Variants in CARNMT1 observed in about 807,000 individuals in gnomAD.
CARNMT1 encodes the protein protein-L-histidine N-pros-methyltransferase CARNMT1.
A neutral mutation model predicts 49.6 loss-of-function variants in CARNMT1; 28 were observed. The ratio of observed to expected loss-of-function variants is 0.56; its 90% CI spans 0.42 to 0.77. The LOEUF (loss-of-function observed/expected upper bound fraction) is 0.77, where lower values mean the gene tolerates loss of function less well. Among genes scored for constraint, CARNMT1 ranks in the 30% least tolerant of loss-of-function variants. The pLI is 0.00. For synonymous variants in CARNMT1, 178 were observed against 175.0 expected (o/e 1.02, Z -0.13); for missense variants, 421 against 512.6 (o/e 0.82, Z 1.73).
rs190366881 is a variant in CARNMT1, at chr9:74,982,588, G to A, written c.*1179C>T. 6 of 152,170 alleles carry A rather than the reference G, an allele frequency of 3.9e-5. No homozygotes were observed. Among genetic ancestry groups the A allele is most frequent in the East Asian group, 1.9e-4 (1 of 5,184 alleles). The allele number at this position is 152,170 out of a possible 1,614,324, so 9.4% of individuals were successfully genotyped here. On this transcript the variant is annotated 3_prime_UTR_variant, in exon 8 of 8. Transcript: ENST00000376834. ...TTACAATATTGAAGACACAGACCAC[G>A]GGCAGTAATATATCCCTGAATTTCA...
At position 74,987,204 on chromosome 9, in the gene CARNMT1, AG is replaced by A. The variant is rs548976668; in HGVS notation, c.1025-2195del. ...TTAAATTGTGGGAATGCAATAGTACAGTCACTTTGGAAAACACCTTGCCAGT... is the reference window on the plus strand; with the variant it reads ...TTAAATTGTGGGAATGCAATAGTACATCACTTTGGAAAACACCTTGCCAGT... On this transcript the variant is annotated intron_variant, in intron 6 of 7. Transcript: ENST00000376834. Among the ~76,000 whole-genome samples the A allele has an allele frequency of 4.9e-3, 747 of 152,318 alleles. 1 individual carries two copies. Among genetic ancestry groups the A allele is most frequent in the African/African-American group, 0.017 (710 of 41,572 alleles).
At chr9:74,993,897 T>C (rs2118772183) in intron 6 of CARNMT1, among the ~76,000 whole-genome samples, 1 of 152,168 alleles carries the variant, frequency 6.6e-6, no homozygotes, top group African/African-American at 2.4e-5. Flanking sequence ...ACTTTTAGAC[T>C]GACTAGAGAC....
intron 3 of CARNMT1, among the ~76,000 whole-genome samples, chr9:75,003,796 C>T (rs762619793): frequency 2.6e-5 from 4 of 152,238 alleles, no homozygotes; most frequent in Non-Finnish European, 5.9e-5. Flanking sequence ...ATAACTTTCA[C>T]ATGCAGAAAT....
At chr9:75,005,827 A>AACACACAC (rs10569961) in intron 3 of CARNMT1, among the ~76,000 whole-genome samples, 1,687 of 135,764 alleles carry the variant, frequency 0.012, 16 homozygotes, top group Non-Finnish European at 0.019. Flanking sequence ...GTGAAATTAA[A>AACACACAC]ACACACACAC....
chr9:75,009,144 AC>A (rs1833610789), intron 3 of CARNMT1, among the ~76,000 whole-genome samples: 2 of 150,832 alleles, frequency 1.3e-5, no homozygotes, highest in South Asian at 4.2e-4. Flanking sequence ...TTATTACCTT[AC>A]CCACATATAA....
chr9:75,001,125 A>AT lies in CARNMT1; in HGVS notation c.591-1256dup, dbSNP rs879672844. Among the ~76,000 whole-genome samples the AT allele has an allele frequency of 1.2e-3, 183 of 150,884 alleles. 1 individual carries two copies. The highest frequency in any genetic ancestry group is 1.5e-3 in the South Asian group (7 of 4,754). ...AGCAAGTGGCTGTTCTCAGTTTAGAATTTTTTTTTTAATTATCTGATCAAA... is the reference window on the plus strand; with the variant it reads ...AGCAAGTGGCTGTTCTCAGTTTAGAATTTTTTTTTTTAATTATCTGATCAAA... On this transcript the variant is annotated intron_variant, in intron 3 of 7. Coordinates refer to ENST00000376834, the MANE Select transcript of CARNMT1 (RefSeq NM_152420.3).
chr9:74,991,991 G>A (rs973719298), intron 6 of CARNMT1, among the ~76,000 whole-genome samples: 1 of 152,034 alleles, frequency 6.6e-6, no homozygotes, highest in African/African-American at 2.4e-5. Context: ...AAAATTCTAG[G>A]CCAGGCACAG....
Position 74,982,054 on chromosome 9 carries a change from A to G in CARNMT1, c.*1713T>C, listed in dbSNP as rs1832706443. 2 of 151,826 alleles carry G rather than the reference A, an allele frequency of 1.3e-5. 1 individual carries two copies. Among genetic ancestry groups the G allele is most frequent in the South Asian group, 4.2e-4 (2 of 4,814 alleles). The allele number at this position is 151,826 out of a possible 1,614,324, so 9.4% of individuals were successfully genotyped here. A position where few individuals can be genotyped will look rare whatever the true frequency, so the allele number is the denominator to read the frequency against. On this transcript the variant is annotated 3_prime_UTR_variant, in exon 8 of 8. Transcript: ENST00000376834. ...AAAAAAAAAGGTTACAGTCTTCCCA[A>G]TTTTGACATGTCAGATTAACTACAT...
rs541730984 is a variant in CARNMT1, at chr9:74,989,404, G to A, written c.1025-4394C>T. On this transcript the variant is annotated intron_variant, in intron 6 of 7. Coordinates refer to ENST00000376834, the MANE Select transcript of CARNMT1 (RefSeq NM_152420.3). ...TGTCAGGATTACAGGCATGAGCTACGTCATCCAGTTTTTTTATTATTAAAA... is the reference window on the plus strand; with the variant it reads ...TGTCAGGATTACAGGCATGAGCTACATCATCCAGTTTTTTTATTATTAAAA... 3.7e-4 allele frequency among the ~76,000 whole-genome samples: 56 copies of A among 152,282 alleles called. 1 individual carries two copies. In the South Asian group the frequency reaches 0.011, roughly 29 times the overall value.
chr9:74,995,220 G>A (rs1273160071), intron 6 of CARNMT1, among the ~76,000 whole-genome samples: 1 of 152,128 alleles, frequency 6.6e-6, no homozygotes, highest in Admixed American at 6.5e-5. Flanking sequence ...TCAAGAAATT[G>A]GCTCTGGGCT....
rs1314004764 is a variant in CARNMT1, at chr9:75,017,558, G to A, written c.231-110C>T. On this transcript the variant is annotated intron_variant, in intron 1 of 7. Coordinates refer to ENST00000376834, the MANE Select transcript of CARNMT1 (RefSeq NM_152420.3). ...TTATTTCCTTATTATGCTGGATACT[G>A]TCCTATCATTTACAATCTCTTGGCT... is the stretch of plus-strand genomic sequence containing the variant. 4 of 847,922 alleles carry A rather than the reference G, an allele frequency of 4.7e-6. No individual in the cohort carries two copies. In the African/African-American group the frequency reaches 6.8e-5, roughly 14 times the overall value. The allele number at this position is 847,922 out of a possible 1,614,324, so 52.5% of individuals were successfully genotyped here. A position where few individuals can be genotyped will look rare whatever the true frequency, so the allele number is the denominator to read the frequency against.
intron 6 of CARNMT1, among the ~76,000 whole-genome samples, chr9:74,990,480 G>T (rs187866686): frequency 6.6e-6 from 1 of 152,138 alleles, no homozygotes; most frequent in African/African-American, 2.4e-5. Context: ...ATGTTTGTGT[G>T]TATGTATGTG....
chr9:75,017,678 A>C (rs1314297667), intron 1 of CARNMT1, among the ~76,000 whole-genome samples: 1 of 152,250 alleles, frequency 6.6e-6, no homozygotes, highest in Non-Finnish European at 1.5e-5. Flanking sequence ...ATCACTAGTA[A>C]AAGTAAACAT....
At chr9:75,000,324 G>A (rs4745374) in intron 3 of CARNMT1, among the ~76,000 whole-genome samples, 48,452 of 152,044 alleles carry the variant, frequency 0.32, 8,496 homozygotes, top group Non-Finnish European at 0.39. Flanking sequence ...TTAAACAGAT[G>A]TAGAGTTTAA....
At chr9:75,001,469 A>C (rs1833353782) in intron 3 of CARNMT1, among the ~76,000 whole-genome samples, 1 of 152,238 alleles carries the variant, frequency 6.6e-6, no homozygotes, top group African/African-American at 2.4e-5. Context: ...ACTGCTATTG[A>C]AAGGCTACCC....
rs1181481511 is a variant in CARNMT1, at chr9:74,981,952, T to G, written c.*1815A>C. 6.6e-6 allele frequency: 1 copy of G among 150,620 alleles called. No individual in the cohort carries two copies. Among genetic ancestry groups the G allele is most frequent in the African/African-American group, 2.4e-5 (1 of 40,974 alleles). 9.3% of individuals were successfully genotyped at this position (150,620 alleles called of 1,614,324 possible). On this transcript the variant is annotated 3_prime_UTR_variant, in exon 8 of 8. Coordinates refer to ENST00000376834, the MANE Select transcript of CARNMT1 (RefSeq NM_152420.3). ...TTGCCACTAAATTCAAACTCATTCATGTAAGTAATAAGAATTTCCACCAAA... is the reference window on the plus strand; with the variant it reads ...TTGCCACTAAATTCAAACTCATTCAGGTAAGTAATAAGAATTTCCACCAAA...
chr9:75,006,099 T>A (rs1833505059), intron 3 of CARNMT1, among the ~76,000 whole-genome samples: 1 of 152,080 alleles, frequency 6.6e-6, no homozygotes, highest in Non-Finnish European at 1.5e-5. Flanking sequence ...CAGCTCAGGC[T>A]GGAGTGCAGT....
At chr9:75,010,086 A>C (rs1477082602) in intron 3 of CARNMT1, 2 of 147,270 alleles carry the variant, frequency 1.4e-5, no homozygotes, top group Non-Finnish European at 3.0e-5. Flanking sequence ...GATAAAAAAA[A>C]CTCTTTCTCT....
chr9:74,991,174 C>T (rs896607912), intron 6 of CARNMT1: 2 of 151,316 alleles, frequency 1.3e-5, no homozygotes, highest in East Asian at 1.9e-4. Flanking sequence ...GAGGGAGTCT[C>T]GCTCTGTCGC....
Sources: allele counts gnomAD v4.1 joint callset (sites outside exome capture counted in the v4.1 genomes callset), GRCh38; gene constraint gnomAD v4.1.1; transcripts MANE v1.5; gene names NCBI Gene and HGNC (gene_info 2026-07-23, HGNC 2026-07-21).